The following CUBN variants were observed in gnomAD, a reference collection of about 807,000 sequenced individuals.
CUBN encodes the protein 460 kDa receptor.
In CUBN, 282 loss-of-function variants were observed where a neutral mutation model predicts 405.3. That is an observed-to-expected ratio of 0.70 (90% CI 0.63 to 0.77). The LOEUF is 0.77. CUBN is among the 30% of genes least tolerant of loss of function. The probability of loss-of-function intolerance (pLI) is 0.00; values close to 1 mark genes in which losing one functional copy is unlikely to be tolerated. For missense variants in CUBN, 4,514 were observed against 4,475.2 expected, an observed-to-expected ratio of 1.01 and a Z score of -0.25; for synonymous variants, 1,684 against 1,617.0, an observed-to-expected ratio of 1.04 and a Z score of -0.99.
At chr10:16,982,299 T>C (rs1329675558) in intron 31 of CUBN, among the ~76,000 whole-genome samples, 185 bp downstream of exon 31, 1 of 152,228 alleles carries the variant, frequency 6.6e-6, no homozygotes, top group Non-Finnish European at 1.5e-5. Flanking sequence ...CTAGAGATTA[T>C]CTACTTCCTG....
chr10:17,111,148 G>A (rs1836763658), intron 8 of CUBN, 98 bp from the exon 9 acceptor site: 1 of 1,347,566 alleles, frequency 7.4e-7, no homozygotes, highest in Non-Finnish European at 1.1e-6. Flanking sequence ...TCCACCTAAG[G>A]AACTATAAAA....
chr10:17,057,807 T>C (rs1477105556), intron 22 of CUBN, among the ~76,000 whole-genome samples: 2 of 151,602 alleles, frequency 1.3e-5, no homozygotes, highest in African/African-American at 2.4e-5. Flanking sequence ...ACATGAAAAA[T>C]TTCCAGACAC....
chr10:17,088,175 C>G lies in CUBN; in HGVS notation c.1936G>C (p.Asp646His). 6.2e-7 allele frequency: 1 copy of G among 1,612,016 alleles called. No individual in the cohort carries two copies. The highest frequency in any genetic ancestry group is 8.5e-7 in the Non-Finnish European group (1 of 1,178,176). Residue 646 changes from aspartate to histidine, a missense_variant, in exon 15 of 67, where the codon GAT becomes CAT. By Grantham distance (81) the Asp-to-His change is moderately conservative. This residue lies in a region of CUBN where 1,448 missense variants were observed against 1,388.0 expected (regional missense o/e 1.04). Transcript: ENST00000377833. ...ATATAATTATTTACCTCAAGGTAAT[C>G]TTTGTTGCAGTCATCATGGTGCTCG... ...SLEHHDDCNK[D>H]YLEIRDGPLY...
In CUBN at chr10:16,997,941, T is replaced by A. The variant is rs1185624521; in HGVS notation, c.4169-7426A>T. ...TGAAGCATGTGCAGATGGATTTTTC[T>A]GAGGGATTTAGTCAGATAGCATGTA... On this transcript the variant is annotated intron_variant, in intron 28 of 66. Coordinates refer to ENST00000377833, the MANE Select transcript of CUBN (RefSeq NM_001081.4). Among the ~76,000 whole-genome samples, 7 of 152,162 alleles carry A rather than the reference T, an allele frequency of 4.6e-5. No individual in the cohort carries two copies. The East Asian group carries it at 1.3e-3, about 29-fold the overall frequency.
At position 17,068,707 on chromosome 10, in the gene CUBN, A is replaced by G; in HGVS notation, c.2689T>C (p.Ser897Pro). 1 of 1,612,218 alleles carries G rather than the reference A, an allele frequency of 6.2e-7. No individual in the cohort carries two copies. The highest frequency in any genetic ancestry group is 1.1e-5 in the South Asian group (1 of 90,920). Residue 897 changes from serine to proline, a missense_variant, in exon 20 of 67, where the codon TCA (serine) becomes CCA (proline). Around this residue, in one of 5 missense-constraint regions of CUBN, gnomAD observed 1,448 missense variants for 1,388.0 expected, o/e 1.04. Coordinates refer to ENST00000377833, the MANE Select transcript of CUBN (RefSeq NM_001081.4). The part of the protein sequence containing the change: ...NKKYCGTDIP[S>P]FITSVYNFLY... ...AAATTGTACACAGATGTTATAAATG[A>G]AGGTATGTCTGTACCGCAATACTTT...
chr10:16,895,363 A>C (rs1841153302), intron 54 of CUBN, among the ~76,000 whole-genome samples: 1 of 141,518 alleles, frequency 7.1e-6, no homozygotes, highest in African/African-American at 3.1e-5. Context: ...ACACACATAT[A>C]TATACACACA....
At chr10:16,826,504 T>C (rs1380058955) in intron 66 of CUBN, among the ~76,000 whole-genome samples, 2 of 152,254 alleles carry the variant, frequency 1.3e-5, no homozygotes, top group Non-Finnish European at 2.9e-5. Context: ...CTTCATGTTT[T>C]ATACTTATGT....
Position 17,068,706 on chromosome 10 carries a change from G to C in CUBN, c.2690C>G (p.Ser897Ter), listed in dbSNP as rs1441212599. The change falls in exon 20 of 67, where the codon TCA (serine) becomes TGA (stop). Residue 897 changes from serine (S) to a stop codon, truncating the protein, a stop_gained. Transcript: ENST00000377833. LOFTEE classifies it high-confidence loss of function. ...AAAATTGTACACAGATGTTATAAATGAAGGTATGTCTGTACCGCAATACTT... is the reference window on the plus strand; with the variant it reads ...AAAATTGTACACAGATGTTATAAATCAAGGTATGTCTGTACCGCAATACTT... ...NKKYCGTDIP[S>*]FITSVYNFLY... The C allele has an allele frequency of 6.2e-6, 10 of 1,611,650 alleles. No homozygotes were observed. Among genetic ancestry groups the C allele is most frequent in the Non-Finnish European group, 8.5e-6 (10 of 1,178,182 alleles).
At chr10:17,045,904 T>C in intron 24 of CUBN, 30 bp downstream of exon 24, 1 of 1,611,748 alleles carries the variant, frequency 6.2e-7, no homozygotes, top group South Asian at 1.1e-5. Flanking sequence ...GATTGGCTTC[T>C]CCAGTAAAAG....
At chr10:16,863,865 A>G (rs909160464) in intron 59 of CUBN, among the ~76,000 whole-genome samples, 3 of 152,114 alleles carry the variant, frequency 2.0e-5, no homozygotes, top group Admixed American at 6.5e-5. Context: ...AACGTGTTTG[A>G]GAGACATTTT....
chr10:16,933,298 A>G lies in CUBN; in HGVS notation c.5927-14T>C, dbSNP rs764145996. ...CACCACAAGCACCTGTAGAATAGAA[A>G]GCAACATCTTTGACACAGCCCTAAT... is the stretch of plus-strand genomic sequence containing the variant. On this transcript the variant is annotated splice_polypyrimidine_tract_variant and intron_variant, in intron 39 of 66. Transcript: ENST00000377833. 1.1e-5 allele frequency: 17 copies of G among 1,612,272 alleles called. No individual in the cohort carries two copies. In the Admixed American group the frequency reaches 2.0e-4, roughly 19 times the overall value.
At chr10:17,105,609 G>T (rs1287881260) in intron 10 of CUBN, 34 bp from the exon 11 acceptor site, 1 of 1,179,874 alleles carries the variant, frequency 8.5e-7, no homozygotes, top group Non-Finnish European at 1.3e-6. Flanking sequence ...TGTAAATACA[G>T]GTCTCCTCCT....
rs560555080 is a variant in CUBN, at chr10:16,960,186, C to T, written c.4696-5638G>A. Among the ~76,000 whole-genome samples the T allele has an allele frequency of 5.9e-5, 9 of 152,242 alleles. No individual in the cohort carries two copies. The South Asian group carries it at 1.7e-3, about 28-fold the overall frequency. ...ATTTTATAAAATGCCAAGATACTAA[C>T]ACACATATTCAAAATACATATGAGG... is the stretch of plus-strand genomic sequence containing the variant. On this transcript the variant is annotated intron_variant, in intron 31 of 66. Transcript: ENST00000377833.
intron 59 of CUBN, among the ~76,000 whole-genome samples, chr10:16,861,045 C>T (rs1175602299): frequency 6.6e-6 from 1 of 152,106 alleles, no homozygotes; most frequent in Non-Finnish European, 1.5e-5. Flanking sequence ...TGTTCTCTGC[C>T]TTATGCCCCA....
In CUBN at chr10:17,068,208, C is replaced by A; in HGVS notation, c.2864G>T (p.Gly955Val). Residue 955 changes from glycine (G) to valine (V), a missense_variant, in exon 21 of 67, where the codon GGT (glycine) becomes GTT (valine). Coordinates refer to ENST00000377833, the MANE Select transcript of CUBN (RefSeq NM_001081.4). ...SPGHPNVYPH[G>V]INCTWHILVQ... ...TAATATATGCCAAGTACAGTTGATA[C>A]CGTGGGGGTAGACATTTGGATGGCC... 6.2e-7 allele frequency: 1 copy of A among 1,613,646 alleles called. No homozygotes were observed. Among genetic ancestry groups the A allele is most frequent in the Middle Eastern group, 1.7e-4 (1 of 6,060 alleles).
At chr10:17,063,999 G>A (rs1275196114) in intron 22 of CUBN, among the ~76,000 whole-genome samples, 1 of 152,164 alleles carries the variant, frequency 6.6e-6, no homozygotes, top group Admixed American at 6.5e-5. Flanking sequence ...ACAACAGCAT[G>A]AAAAATTGTG....
At position 17,123,602 on chromosome 10, in the gene CUBN, G is replaced by A. The variant is rs796882685; in HGVS notation, c.475C>T (p.Pro159Ser). Residue 159 changes from proline (P) to serine (S), a missense_variant, in exon 5 of 67, where the codon CCC becomes TCC. Physicochemically the swap from Pro to Ser is moderately conservative, Grantham distance 74. Around this residue, in one of 5 missense-constraint regions of CUBN, gnomAD observed 1,448 missense variants for 1,388.0 expected, o/e 1.04. Transcript: ENST00000377833. Reference sequence around the variant, plus strand: ...AGATGACTCACCTTCCACTGTGGGGGACAGATACAAAAAAAGGAATCATGC... The same window carrying A: ...AGATGACTCACCTTCCACTGTGGGGAACAGATACAAAAAAAGGAATCATGC... ...NLHDSFFCIC[P>S]PQWKGPLCSA... The A allele has an allele frequency of 1.2e-6, 2 of 1,613,118 alleles. No homozygotes were observed. Among genetic ancestry groups the A allele is most frequent in the Non-Finnish European group, 1.7e-6 (2 of 1,179,256 alleles).
At chr10:16,978,794 G>A (rs1229080674) in intron 31 of CUBN, among the ~76,000 whole-genome samples, 1 of 152,148 alleles carries the variant, frequency 6.6e-6, no homozygotes, top group African/African-American at 2.4e-5. Context: ...AGACAAGGGT[G>A]CCCTCTCTAA....
At chr10:17,036,648 T>G (rs1414331305) in intron 27 of CUBN, among the ~76,000 whole-genome samples, 2 of 152,060 alleles carry the variant, frequency 1.3e-5, no homozygotes, top group Non-Finnish European at 2.9e-5. Flanking sequence ...TGGGGAAAGA[T>G]TCATTCTAGA....
Sources: allele counts gnomAD v4.1 joint callset (sites outside exome capture counted in the v4.1 genomes callset), GRCh38; gene constraint gnomAD v4.1.1; regional missense constraint gnomAD v4.1.1; transcripts MANE v1.5; gene names NCBI Gene and HGNC (gene_info 2026-07-23, HGNC 2026-07-21).